The following SETD1B variants were observed in gnomAD, a reference collection of about 807,000 sequenced individuals.
SETD1B encodes SET domain containing 1B, histone lysine methyltransferase, also known as histone-lysine N-methyltransferase SETD1B.
Under a neutral mutation model 148.0 loss-of-function variants are expected in SETD1B, and 7 were observed. That is an observed-to-expected ratio of 0.05 (90% CI 0.03 to 0.09). The LOEUF is 0.09. Among genes scored for constraint, SETD1B ranks in the 10% least tolerant of loss-of-function variants. The probability of loss-of-function intolerance (pLI) is 1.00; values close to 1 mark genes in which losing one functional copy is unlikely to be tolerated. For missense variants in SETD1B, 2,155 were observed against 2,729.9 expected (o/e 0.79, Z 4.69); for synonymous variants, 1,361 against 1,186.5 (o/e 1.15, Z -3.02).
At position 121,805,048 on chromosome 12, in the gene SETD1B, CG is replaced by C; in HGVS notation, c.175-69del. ...CAGCCCTGGAGTTTGACAAGTGCCT[CG>C]AGAAAGGGGTCTGCCCATGGGGAGG... is the stretch of plus-strand genomic sequence containing the variant. On this transcript the variant is annotated intron_variant, in intron 2 of 16. Transcript: ENST00000604567. The surrounding 1 kb of genome is among the most constrained non-coding windows in gnomAD (Gnocchi z 4.2). The C allele has an allele frequency of 6.7e-7, 1 of 1,497,600 alleles. No individual in the cohort carries two copies. Among genetic ancestry groups the C allele is most frequent in the South Asian group, 1.2e-5 (1 of 81,464 alleles). The allele number at this position is 1,497,600 out of a possible 1,614,324, so 92.8% of individuals were successfully genotyped here.
chr12:121,792,997 C>T, the SETD1B span, among the ~76,000 whole-genome samples: 1 of 152,248 alleles, frequency 6.6e-6, no homozygotes, highest in African/African-American at 2.4e-5. Flanking sequence ...CTCTAGGGCC[C>T]CGCAGCCAGC....
rs1325970362 is a variant in SETD1B, at chr12:121,819,880, C to T, written c.3895C>T (p.Pro1299Ser). The T allele has an allele frequency of 1.3e-6, 2 of 1,550,606 alleles. No homozygotes were observed. The highest frequency in any genetic ancestry group is 2.4e-5 in the South Asian group (2 of 84,054). Residue 1299 changes from proline (P) to serine (S), a missense_variant, in exon 11 of 17, where the codon CCT (proline) becomes TCT (serine). Coordinates refer to ENST00000604567, the MANE Select transcript of SETD1B (RefSeq NM_001353345.2). Reference protein sequence around the residue: ...KEVEARPPLSPERAPEHDLEV... With the variant: ...KEVEARPPLSSERAPEHDLEV... ...GGTGGAGGCTCGACCCCCATTGTCCCCTGAGCGAGCTCCAGGTAACACCTG... is the reference window on the plus strand; with the variant it reads ...GGTGGAGGCTCGACCCCCATTGTCCTCTGAGCGAGCTCCAGGTAACACCTG...
At chr12:121,793,631 CA>C in the SETD1B span, 2 of 1,537,844 alleles carry the variant, frequency 1.3e-6, no homozygotes, top group Admixed American at 3.9e-5. Flanking sequence ...CGGGGGCATC[CA>C]TTGCCCGGAG....
chr12:121,793,304 C>G, the SETD1B span: 1 of 1,472,724 alleles, frequency 6.8e-7, no homozygotes, highest in South Asian at 1.2e-5. Flanking sequence ...CCAGCTGAAT[C>G]CACTGTCCAC....
Position 121,817,214 on chromosome 12 carries a change from G to A in SETD1B, c.2897G>A (p.Arg966Lys). ...CGCCTGCCCTCCTTCAAGGTCAAGA[G>A]GAAGGAGCCACCAGACACCACCTCA... ...AIRLPSFKVK[R>K]KEPPDTTSSG... The change falls in exon 8 of 17, where the codon AGG becomes AAG. Residue 966 changes from arginine to lysine, a missense_variant. By Grantham distance (26) the Arg-to-Lys change is conservative. Coordinates refer to ENST00000604567, the MANE Select transcript of SETD1B (RefSeq NM_001353345.2). This position sits in a 1 kb window ranked among gnomAD's most constrained non-coding sequence, Gnocchi z 8.1. The A allele has an allele frequency of 6.4e-7, 1 of 1,550,828 alleles. No individual in the cohort carries two copies. Among genetic ancestry groups the A allele is most frequent in the Non-Finnish European group, 8.7e-7 (1 of 1,146,944 alleles).
chr12:121,793,921 C>A, the SETD1B span: 1 of 305,622 alleles, frequency 3.3e-6, no homozygotes, highest in South Asian at 8.7e-5. Flanking sequence ...CGCGTCACGT[C>A]GCGCCCCTCG....
chr12:121,806,434 T>C (rs538970443), intron 4 of SETD1B, among the ~76,000 whole-genome samples: 45 of 152,206 alleles, frequency 3.0e-4, no homozygotes, highest in African/African-American at 9.6e-4. Context: ...CAGTGTTGCC[T>C]GTGTTAGGGG....
rs573368792 is a variant in SETD1B at position 121,826,226 on chromosome 12, A to T, written c.5337+860A>T. ...GTACCCAGCTGGAATTTATATTTTA[A>T]TGGGGACTCATAGGAAATAATCAAG... On this transcript the variant is annotated intron_variant, in intron 13 of 16. Coordinates refer to ENST00000604567, the MANE Select transcript of SETD1B (RefSeq NM_001353345.2). Among the ~76,000 whole-genome samples, 9 of 151,970 alleles carry T rather than the reference A, an allele frequency of 5.9e-5. No individual in the cohort carries two copies. In the South Asian group the frequency reaches 1.9e-3, roughly 32 times the overall value.
Position 121,817,156 on chromosome 12 carries a change from C to T in SETD1B, c.2839C>T (p.Leu947=), listed in dbSNP as rs1876330305. 6.5e-7 allele frequency: 1 copy of T among 1,549,318 alleles called. No homozygotes were observed. Among genetic ancestry groups the T allele is most frequent in the Non-Finnish European group, 8.7e-7 (1 of 1,146,898 alleles). ...GGGCGAGGGCCTGGGCTACGAGGGCCTGGGCCTGGGCATTGGGCTGCGTGG... is the reference window on the plus strand; with the variant it reads ...GGGCGAGGGCCTGGGCTACGAGGGCTTGGGCCTGGGCATTGGGCTGCGTGG... ...GKGEGLGYEG[L]GLGIGLRGAI... is the part of the protein sequence containing the mutation. Residue 947 remains leucine (L), a synonymous_variant, in exon 8 of 17, where the codon CTG becomes TTG. Transcript: ENST00000604567. This position sits in a 1 kb window ranked among gnomAD's most constrained non-coding sequence, Gnocchi z 8.1.
At chr12:121,796,632 T>C in the SETD1B span, among the ~76,000 whole-genome samples, 1 of 152,340 alleles carries the variant, frequency 6.6e-6, no homozygotes, top group South Asian at 2.1e-4. Context: ...CTACCCTGCC[T>C]GAGCAGTCCC....
the SETD1B span, among the ~76,000 whole-genome samples, chr12:121,791,357 A>C: frequency 1.3e-5 from 2 of 152,156 alleles, no homozygotes; most frequent in African/African-American, 2.4e-5. Flanking sequence ...ATCATATATT[A>C]ATCTGATTTA....
chr12:121,802,936 C>G (rs1483953125), upstream of SETD1B: 1 of 152,268 alleles, frequency 6.6e-6, no homozygotes, highest in Middle Eastern at 3.2e-3. Context: ...GCCTCTCCTT[C>G]GTGTCTGATG....
chr12:121,813,730 TTCTCTC>T (rs991517361), intron 6 of SETD1B, among the ~76,000 whole-genome samples: 44 of 152,302 alleles, frequency 2.9e-4, no homozygotes, highest in African/African-American at 1.0e-3. Context: ...CCTGCCTTCT[TTCTCTC>T]CCTCACGTTT....
At chr12:121,821,391 C>T (rs975778653) in intron 11 of SETD1B, among the ~76,000 whole-genome samples, 11 of 148,610 alleles carry the variant, frequency 7.4e-5, no homozygotes, top group Non-Finnish European at 1.3e-4. Context: ...GAGCCGAGAT[C>T]GTGCCACACT....
Position 121,822,817 on chromosome 12 carries a change from C to A in SETD1B, c.4238C>A (p.Pro1413Gln), listed in dbSNP as rs990877354. The change falls in exon 12 of 17, where the codon CCG (proline) becomes CAG (glutamine). Residue 1413 changes from proline to glutamine, a missense_variant. Coordinates refer to ENST00000604567, the MANE Select transcript of SETD1B (RefSeq NM_001353345.2). Reference protein sequence around the residue: ...VPGSPFSYPAPSPSLSSGGLP... With the variant: ...VPGSPFSYPAQSPSLSSGGLP... The stretch of plus-strand genomic sequence containing the variant: ...GGCAGCCCCTTCTCCTACCCAGCCC[C>A]GTCCCCTAGCTTGAGCAGTGGGGGC... 6.7e-7 allele frequency: 1 copy of A among 1,503,362 alleles called. No individual in the cohort carries two copies. The highest frequency in any genetic ancestry group is 8.9e-7 in the Non-Finnish European group (1 of 1,120,416). The allele number at this position is 1,503,362 out of a possible 1,614,324, so 93.1% of individuals were successfully genotyped here.
At chr12:121,813,965 G>T (rs540294218) in intron 6 of SETD1B, 141 bp from the exon 7 acceptor site, 21 of 632,640 alleles carry the variant, frequency 3.3e-5, no homozygotes, top group South Asian at 8.0e-5. Context: ...AAATGAAGAC[G>T]CTGAGGCTTG....
In SETD1B at chr12:121,830,224, G is replaced by A; in HGVS notation, c.5886G>A (p.Arg1962=). 1.3e-6 allele frequency: 2 copies of A among 1,550,716 alleles called. No individual in the cohort carries two copies. Among genetic ancestry groups the A allele is most frequent in the Non-Finnish European group, 1.7e-6 (2 of 1,146,764 alleles). Residue 1962 remains arginine, a synonymous_variant, in exon 17 of 17, where the codon CGG becomes CGA. Coordinates refer to ENST00000604567, the MANE Select transcript of SETD1B (RefSeq NM_001353345.2). This position sits in a 1 kb window ranked among gnomAD's most constrained non-coding sequence, Gnocchi z 5.7. ...IPCLCGSENC[R]GTLN ...GCCTCTGTGGCTCCGAGAACTGCCG[G>A]GGGACCCTCAACTAGGCCCCGGCAC...
the SETD1B span, chr12:121,793,473 C>G: frequency 2.6e-5 from 40 of 1,539,152 alleles, no homozygotes; most frequent in Admixed American, 3.9e-5. Context: ...TCGCCCCCAC[C>G]CCAGCCCCGC....
Position 121,814,618 on chromosome 12 carries a change from GGCCGCCGCT to G in SETD1B, c.2407_2415del (p.Ala803_Ala805del). 6.5e-7 allele frequency: 1 copy of G among 1,543,288 alleles called. No homozygotes were observed. The highest frequency in any genetic ancestry group is 1.2e-5 in the South Asian group (1 of 83,790). Reference sequence around the variant, plus strand: ...CCTACCCGCCCTTCATGGCCGCTGCGGCCGCCGCTGCCTCAGCTGGGCTCCAGTTTGTCA... The same window carrying G: ...CCTACCCGCCCTTCATGGCCGCTGCGGCCTCAGCTGGGCTCCAGTTTGTCA... On this transcript the variant is annotated inframe_deletion, in exon 7 of 17. Transcript: ENST00000604567.
Sources: gnomAD v4.1 joint callset for allele counts (sites outside exome capture counted in the v4.1 genomes callset) on GRCh38, gnomAD v4.1.1 for gene constraint, Gnocchi (gnomAD v3.1) non-coding constraint, MANE v1.5 for transcripts, NCBI Gene and HGNC (gene_info 2026-07-23, HGNC 2026-07-21) for gene names.